The following OAS2 variants were observed in gnomAD, a reference collection of about 807,000 sequenced individuals.
OAS2 encodes the protein 2'-5'-oligoadenylate synthase 2.
A neutral mutation model predicts 71.3 loss-of-function variants in OAS2; 67 were observed. That is an observed-to-expected ratio of 0.94 (90% CI 0.77 to 1.15). The LOEUF (loss-of-function observed/expected upper bound fraction) is 1.15, where lower values mean the gene tolerates loss of function less well. Among genes scored for constraint, OAS2 ranks in the 50% most tolerant of loss-of-function variants. The probability of loss-of-function intolerance (pLI) is 0.00; values close to 1 mark genes in which losing one functional copy is unlikely to be tolerated. For missense variants in OAS2, 789 were observed against 822.5 expected, an observed-to-expected ratio of 0.96 and a Z score of 0.50; for synonymous variants, 327 against 321.8, an observed-to-expected ratio of 1.02 and a Z score of -0.17.
chr12:112,997,325 A>C (rs1044984380), intron 3 of OAS2, among the ~76,000 whole-genome samples, 195 bp from the exon 4 acceptor site: 1 of 151,924 alleles, frequency 6.6e-6, no homozygotes, highest in Non-Finnish European at 1.5e-5. Context: ...GCCTGCAGAC[A>C]CCTAAGAGAG....
At chr12:113,004,757 C>T (rs1194832132) in intron 6 of OAS2, among the ~76,000 whole-genome samples, 177 bp from the exon 7 acceptor site, 1 of 152,196 alleles carries the variant, frequency 6.6e-6, no homozygotes, top group Admixed American at 6.5e-5. Context: ...TTAATAACTG[C>T]ATTATCTATT....
chr12:112,993,196 G>A (rs1412703769), intron 2 of OAS2, among the ~76,000 whole-genome samples: 1 of 152,130 alleles, frequency 6.6e-6, no homozygotes, highest in Non-Finnish European at 1.5e-5. Flanking sequence ...TTTTACACCA[G>A]GTCCAGGCTG....
At chr12:112,982,382 G>A (rs1348489760) in intron 1 of OAS2, among the ~76,000 whole-genome samples, 5 of 151,990 alleles carry the variant, frequency 3.3e-5, no homozygotes, top group Non-Finnish European at 5.9e-5. Flanking sequence ...TAGCATAAAG[G>A]GATGTTGAAT....
intron 7 of OAS2, among the ~76,000 whole-genome samples, chr12:113,005,926 A>AAAAAC (rs2044330100): frequency 8.8e-6 from 1 of 113,174 alleles, no homozygotes; most frequent in Non-Finnish European, 1.9e-5. Context: ...AACAAAAAAA[A>AAAAAC]AAAAAAAAAA....
At chr12:112,993,730 A>T (rs2044211349) in intron 2 of OAS2, among the ~76,000 whole-genome samples, 1 of 151,796 alleles carries the variant, frequency 6.6e-6, no homozygotes, top group African/African-American at 2.4e-5. Context: ...AAAGCCAAAC[A>T]TGGTGGCACA....
In OAS2 at chr12:112,980,099, A is replaced by C. The variant is rs143257189; in HGVS notation, c.177+1314A>C. Among the ~76,000 whole-genome samples, 131 of 152,140 alleles carry C rather than the reference A, an allele frequency of 8.6e-4. 1 individual carries two copies. The highest frequency in any genetic ancestry group is 2.7e-3 in the African/African-American group (113 of 41,486). On this transcript the variant is annotated intron_variant, in intron 1 of 9. Coordinates refer to ENST00000392583, the MANE Select transcript of OAS2 (RefSeq NM_002535.3). ...CAATTCCATTATGTGAATATTCCAC[A>C]TTTGTCCATTCTACTGTGTTTTTTT... is the stretch of plus-strand genomic sequence containing the variant.
chr12:113,001,478 A>G (rs933805118), intron 5 of OAS2, among the ~76,000 whole-genome samples: 5 of 148,900 alleles, frequency 3.4e-5, no homozygotes, highest in African/African-American at 9.8e-5. Flanking sequence ...ATATATACAC[A>G]TATATACACA....
At chr12:112,995,794 C>T (rs368317682) in intron 3 of OAS2, among the ~76,000 whole-genome samples, 4 of 152,090 alleles carry the variant, frequency 2.6e-5, no homozygotes, top group Admixed American at 6.6e-5. Flanking sequence ...TTTGGCTCAA[C>T]GGGATGTCTG....
At position 113,010,359 on chromosome 12, in the gene OAS2, T is replaced by C; in HGVS notation, c.*1104T>C. The C allele has an allele frequency of 1.9e-6, 3 of 1,609,290 alleles. No homozygotes were observed. The South Asian group carries it at 3.3e-5, about 18-fold the overall frequency. ...TTAGGAGACATTGCTCTCCCACGTATGTTTTTCTTTTTAGACAATGCAGAC... is the reference window on the plus strand; with the variant it reads ...TTAGGAGACATTGCTCTCCCACGTACGTTTTTCTTTTTAGACAATGCAGAC... On this transcript the variant is annotated 3_prime_UTR_variant, in exon 10 of 10. Coordinates refer to ENST00000392583, the MANE Select transcript of OAS2 (RefSeq NM_002535.3).
At chr12:112,988,110 T>C in intron 2 of OAS2, 1 of 985,426 alleles carries the variant, frequency 1.0e-6, no homozygotes, top group Non-Finnish European at 1.2e-6. Flanking sequence ...TTTAAGGCCA[T>C]ACAAAACATC....
intron 2 of OAS2, among the ~76,000 whole-genome samples, chr12:112,994,225 A>G (rs890576692): frequency 6.6e-6 from 1 of 152,054 alleles, no homozygotes; most frequent in East Asian, 1.9e-4. Context: ...TCCCTGCTAT[A>G]TAGAACCCTA....
chr12:112,987,522 A>G (rs1185082367), intron 2 of OAS2: 4 of 1,414,858 alleles, frequency 2.8e-6, no homozygotes, highest in Non-Finnish European at 3.7e-6. Context: ...TTTGGAGAAA[A>G]TGTTCTGGAT....
At chr12:112,981,745 G>GA (rs933299348) in intron 1 of OAS2, among the ~76,000 whole-genome samples, 8 of 151,468 alleles carry the variant, frequency 5.3e-5, no homozygotes, top group Non-Finnish European at 7.4e-5. Context: ...CTATTTCTGT[G>GA]AAAAAAAATG....
rs775781926 is a variant in OAS2, at chr12:112,995,310, C to T, written c.463C>T (p.Pro155Ser). Reference protein sequence around the residue: ...AFNALSLNDNPSPWIYRELKR... With the variant: ...AFNALSLNDNSSPWIYRELKR... The stretch of plus-strand genomic sequence containing the variant: ...TTTCACATCAGGCTTAAATGATAAT[C>T]CCAGCCCCTGGATCTATCGAGAGCT... The change falls in exon 3 of 10, where the codon CCC becomes TCC. Residue 155 changes from proline to serine, a missense_variant. Physicochemically the swap from Pro to Ser is moderately conservative, Grantham distance 74. Transcript: ENST00000392583. 2 of 1,608,100 alleles carry T rather than the reference C, an allele frequency of 1.2e-6. No individual in the cohort carries two copies. The highest frequency in any genetic ancestry group is 1.7e-5 in the Admixed American group (1 of 58,420).
intron 1 of OAS2, among the ~76,000 whole-genome samples, chr12:112,983,822 C>T (rs1410665422): frequency 6.6e-6 from 1 of 152,172 alleles, no homozygotes; most frequent in Admixed American, 6.5e-5. Flanking sequence ...CATTAAGATA[C>T]CTGACAGTAT....
intron 5 of OAS2, 24 bp downstream of exon 5, chr12:112,998,434 G>T: frequency 6.2e-7 from 1 of 1,600,208 alleles, no homozygotes; most frequent in Non-Finnish European, 8.5e-7. Flanking sequence ...CCAAATACAG[G>T]GTGTTTCATG....
At chr12:112,996,660 A>G (rs2044235706) in intron 3 of OAS2, among the ~76,000 whole-genome samples, 1 of 152,072 alleles carries the variant, frequency 6.6e-6, no homozygotes, top group East Asian at 1.9e-4. Context: ...CTTACAGGTA[A>G]GGGTTTTAAA....
chr12:112,987,994 C>T (rs2044156106), intron 2 of OAS2: 1 of 985,268 alleles, frequency 1.0e-6, no homozygotes, highest in Non-Finnish European at 1.2e-6. Flanking sequence ...AGAGTGACTC[C>T]ATCTTAAAGC....
At position 113,009,660 on chromosome 12, in the gene OAS2, C is replaced by T; in HGVS notation, c.*405C>T. On this transcript the variant is annotated 3_prime_UTR_variant, in exon 10 of 10. Coordinates refer to ENST00000392583, the MANE Select transcript of OAS2 (RefSeq NM_002535.3). ...GCCTCCAGATGGCAGGTTTGCAATC[C>T]AAGCAGGAAGAAGGAAAAGATACCC... 1 of 991,394 alleles carries T rather than the reference C, an allele frequency of 1.0e-6. No homozygotes were observed. The highest frequency in any genetic ancestry group is 1.2e-6 in the Non-Finnish European group (1 of 834,240). The allele number at this position is 991,394 out of a possible 1,614,324, so 61.4% of individuals were successfully genotyped here. A position where few individuals can be genotyped will look rare whatever the true frequency, so the allele number is the denominator to read the frequency against.
Sources: gnomAD v4.1 joint callset for allele counts (sites outside exome capture counted in the v4.1 genomes callset) on GRCh38, gnomAD v4.1.1 for gene constraint, MANE v1.5 for transcripts, NCBI Gene and HGNC (gene_info 2026-07-23, HGNC 2026-07-21) for gene names.